The following GALNTL6 variants were observed in gnomAD, a reference collection of about 807,000 sequenced individuals.
The protein encoded by GALNTL6 is polypeptide N-acetylgalactosaminyltransferase-like 6.
GALNTL6 carries 46 observed loss-of-function variants against 73.7 expected under a neutral mutation model. That is an observed-to-expected ratio of 0.62 (90% CI 0.49 to 0.80). The LOEUF (loss-of-function observed/expected upper bound fraction) is 0.80, where lower values mean the gene tolerates loss of function less well. GALNTL6 is among the 30% of genes least tolerant of loss of function. GALNTL6 has a pLI of 0.00. For missense variants in GALNTL6, 604 were observed against 755.0 expected (o/e 0.80, Z 2.34); for synonymous variants, 259 against 263.7 (o/e 0.98, Z 0.17).
intron 2 of GALNTL6, among the ~76,000 whole-genome samples, chr4:172,226,995 G>T (rs1267890969): frequency 3.9e-5 from 6 of 152,018 alleles, no homozygotes; most frequent in Non-Finnish European, 5.9e-5. Flanking sequence ...TTCAAGTTTG[G>T]TATGCTTTTT....
chr4:172,163,356 T>A (rs1254370851), intron 2 of GALNTL6, among the ~76,000 whole-genome samples: 1 of 152,056 alleles, frequency 6.6e-6, no homozygotes, highest in Non-Finnish European at 1.5e-5. Flanking sequence ...CCTGTGATTC[T>A]TTCCATTATT....
chr4:173,019,423 G>A (rs1158611147), intron 11 of GALNTL6, among the ~76,000 whole-genome samples: 3 of 152,182 alleles, frequency 2.0e-5, no homozygotes, highest in Non-Finnish European at 4.4e-5. Flanking sequence ...GTGGAGAGAT[G>A]CATGAAAGAG....
intron 5 of GALNTL6, among the ~76,000 whole-genome samples, chr4:172,459,626 G>T (rs533433589): frequency 5.3e-5 from 8 of 152,232 alleles, no homozygotes; most frequent in African/African-American, 1.4e-4. Flanking sequence ...GCTACAAAGA[G>T]AATAAAATAC....
chr4:172,687,902 A>T (rs1055336929), intron 5 of GALNTL6, among the ~76,000 whole-genome samples: 1 of 152,208 alleles, frequency 6.6e-6, no homozygotes, highest in African/African-American at 2.4e-5. Flanking sequence ...ATTTATAACC[A>T]TAAGTAAGCT....
chr4:172,837,915 C>T (rs1461448456), intron 7 of GALNTL6, among the ~76,000 whole-genome samples: 2 of 152,208 alleles, frequency 1.3e-5, no homozygotes, highest in East Asian at 3.8e-4. Flanking sequence ...TACCAACACT[C>T]TTCTTGATAC....
intron 2 of GALNTL6, among the ~76,000 whole-genome samples, chr4:172,213,082 T>A (rs1008552893): frequency 3.5e-5 from 5 of 142,914 alleles, no homozygotes; most frequent in Non-Finnish European, 7.7e-5. Context: ...AGAAAAAAAA[T>A]GCATTTAAGT....
chr4:172,309,926 G>T lies in GALNTL6; in HGVS notation c.248-1688G>T, dbSNP rs138771920. ...TAAAAGAATGAAAATTGTATAAAAC[G>T]CCACTGAGGTCCAAAAGCAGAACAC... On this transcript the variant is annotated intron_variant, in intron 3 of 12. Transcript: ENST00000506823. 6.6e-5 allele frequency among the ~76,000 whole-genome samples: 10 copies of T among 151,960 alleles called. No individual in the cohort carries two copies. The South Asian group carries it at 1.7e-3, about 25-fold the overall frequency.
At chr4:171,872,551 A>G (rs980133061) in intron 2 of GALNTL6, among the ~76,000 whole-genome samples, 6 of 152,106 alleles carry the variant, frequency 3.9e-5, no homozygotes, top group Non-Finnish European at 7.4e-5. Flanking sequence ...TTCAAAATTT[A>G]TTGTCTCACA....
chr4:171,937,020 A>G (rs1400484772), intron 2 of GALNTL6, among the ~76,000 whole-genome samples: 4 of 152,138 alleles, frequency 2.6e-5, no homozygotes, highest in South Asian at 2.1e-4. Flanking sequence ...GTACCCAAGA[A>G]AAATATCTTC....
At chr4:172,052,806 T>C (rs1159635286) in intron 2 of GALNTL6, among the ~76,000 whole-genome samples, 1 of 152,160 alleles carries the variant, frequency 6.6e-6, no homozygotes, top group Non-Finnish European at 1.5e-5. Context: ...CATGAACTTT[T>C]CCTATATAAC....
chr4:172,626,388 A>C (rs918750366), intron 5 of GALNTL6, among the ~76,000 whole-genome samples: 7 of 151,524 alleles, frequency 4.6e-5, no homozygotes, highest in African/African-American at 1.7e-4. Flanking sequence ...GTCTGTTTTT[A>C]ACCATGCTGT....
chr4:172,414,998 A>G (rs1025638670), intron 5 of GALNTL6, among the ~76,000 whole-genome samples: 2 of 151,948 alleles, frequency 1.3e-5, no homozygotes, highest in Non-Finnish European at 2.9e-5. Context: ...TATTTCTTTT[A>G]ATTTAGGCTT....
chr4:172,526,776 C>T (rs7692288), intron 5 of GALNTL6, among the ~76,000 whole-genome samples: 7,232 of 152,164 alleles, frequency 0.048, 526 homozygotes, highest in African/African-American at 0.16. Flanking sequence ...TTTATTTCCT[C>T]ACCACCTTCA....
At chr4:172,159,629 G>A (rs1734392232) in intron 2 of GALNTL6, among the ~76,000 whole-genome samples, 1 of 152,144 alleles carries the variant, frequency 6.6e-6, no homozygotes, top group South Asian at 2.1e-4. Flanking sequence ...CTTAAAGGAA[G>A]TTTCAGTGCC....
At chr4:173,023,095 C>T (rs1466652126) in intron 12 of GALNTL6, among the ~76,000 whole-genome samples, 2 of 152,138 alleles carry the variant, frequency 1.3e-5, no homozygotes, top group East Asian at 3.9e-4. Flanking sequence ...TATTCATGAA[C>T]TTGGCCATCC....
chr4:172,982,085 G>A (rs1041601679), intron 10 of GALNTL6, among the ~76,000 whole-genome samples: 7 of 152,090 alleles, frequency 4.6e-5, no homozygotes, highest in East Asian at 3.9e-4. Flanking sequence ...ATGAACCACC[G>A]CACCCGGCCA....
At chr4:172,494,933 C>A (rs919481427) in intron 5 of GALNTL6, among the ~76,000 whole-genome samples, 1 of 152,186 alleles carries the variant, frequency 6.6e-6, no homozygotes, top group Non-Finnish European at 1.5e-5. Flanking sequence ...CAGACACACC[C>A]AGGAACAATA....
chr4:171,926,326 T>C (rs1346126102), intron 2 of GALNTL6, among the ~76,000 whole-genome samples: 3 of 152,166 alleles, frequency 2.0e-5, no homozygotes, highest in Admixed American at 2.0e-4. Context: ...TGTATACTTT[T>C]TTACATTTCC....
intron 7 of GALNTL6, among the ~76,000 whole-genome samples, chr4:172,851,298 C>A (rs1352420861): frequency 2.0e-5 from 3 of 151,872 alleles, no homozygotes; most frequent in African/African-American, 7.3e-5. Context: ...AATATTAGAA[C>A]CTAAGATTCT....
Sources: gnomAD v4.1 joint callset for allele counts (sites outside exome capture counted in the v4.1 genomes callset) on GRCh38, gnomAD v4.1.1 for gene constraint, MANE v1.5 for transcripts, NCBI Gene and HGNC (gene_info 2026-07-23, HGNC 2026-07-21) for gene names.